SPAG16: variants seen among roughly 807,000 people sequenced by gnomAD.
The protein encoded by SPAG16 is sperm-associated antigen 16 protein.
A neutral mutation model predicts 80.4 loss-of-function variants in SPAG16; 86 were observed. The observed-to-expected ratio is 1.07, with a 90% CI of 0.90 to 1.28. The LOEUF (loss-of-function observed/expected upper bound fraction) is 1.28, where lower values mean the gene tolerates loss of function less well. SPAG16 is among the 50% of genes most tolerant of loss of function. The pLI, the probability that SPAG16 is intolerant of heterozygous loss-of-function variation, is 0.00. For synonymous variants in SPAG16, 294 were observed against 265.9 expected, an observed-to-expected ratio of 1.11 and a Z score of -1.03; for missense variants, 870 against 765.3, an observed-to-expected ratio of 1.14 and a Z score of -1.61.
intron 15 of SPAG16, among the ~76,000 whole-genome samples, chr2:214,325,724 C>CT (rs5838427): frequency 0.082 from 12,283 of 150,244 alleles, 648 homozygotes; most frequent in East Asian, 0.21. Flanking sequence ...TATTGATTAG[C>CT]TTTTTTTTTT....
intron 13 of SPAG16, among the ~76,000 whole-genome samples, chr2:214,101,610 G>A (rs532505295): frequency 1.6e-4 from 25 of 152,162 alleles, no homozygotes; most frequent in Middle Eastern, 3.4e-3. Flanking sequence ...ACCCAGAAAG[G>A]AGGAATATTG....
intron 15 of SPAG16, among the ~76,000 whole-genome samples, chr2:214,276,987 A>C (rs929274681): frequency 6.6e-6 from 1 of 151,196 alleles, no homozygotes; most frequent in Non-Finnish European, 1.5e-5. Context: ...GGCTTTGTTC[A>C]TTTCTTTTTA....
At chr2:214,182,157 T>A (rs1423712833) in intron 15 of SPAG16, among the ~76,000 whole-genome samples, 2 of 151,744 alleles carry the variant, frequency 1.3e-5, no homozygotes, top group Admixed American at 1.3e-4. Context: ...ATATATATAT[T>A]GTACATGTAT....
At chr2:213,864,812 C>A (rs964348480) in intron 11 of SPAG16, among the ~76,000 whole-genome samples, 1 of 151,980 alleles carries the variant, frequency 6.6e-6, no homozygotes, top group Non-Finnish European at 1.5e-5. Context: ...CCTTGACTGA[C>A]CCCAATCAAT....
chr2:213,795,674 C>T (rs536732804), intron 10 of SPAG16, among the ~76,000 whole-genome samples: 1 of 152,272 alleles, frequency 6.6e-6, no homozygotes, highest in South Asian at 2.1e-4. Flanking sequence ...GAGGGTGGAT[C>T]TTTCATGAAT....
chr2:213,653,860 A>G (rs924399681), intron 10 of SPAG16, among the ~76,000 whole-genome samples: 1 of 152,136 alleles, frequency 6.6e-6, no homozygotes, highest in East Asian at 1.9e-4. Context: ...TACAGTTCAC[A>G]TATAGTTACC....
chr2:213,909,028 G>GT (rs1347104788), intron 11 of SPAG16, among the ~76,000 whole-genome samples: 3 of 150,072 alleles, frequency 2.0e-5, no homozygotes, highest in Non-Finnish European at 4.4e-5. Context: ...TGCGGTGTTT[G>GT]TTTTTTTATC....
chr2:213,539,904 A>C (rs1385345993), intron 10 of SPAG16, among the ~76,000 whole-genome samples: 1 of 152,144 alleles, frequency 6.6e-6, no homozygotes, highest in Non-Finnish European at 1.5e-5. Flanking sequence ...ATCTTTGTAC[A>C]CCACTATTTT....
At chr2:214,284,346 T>G (rs544705417) in intron 15 of SPAG16, among the ~76,000 whole-genome samples, 1 of 152,324 alleles carries the variant, frequency 6.6e-6, no homozygotes, top group African/African-American at 2.4e-5. Flanking sequence ...GTTTGATTTG[T>G]TTCTTCCTTA....
chr2:214,206,078 C>G (rs897056819), intron 15 of SPAG16, among the ~76,000 whole-genome samples: 1 of 152,096 alleles, frequency 6.6e-6, no homozygotes, highest in African/African-American at 2.4e-5. Context: ...CGCCTGTAGT[C>G]CCACATAATC....
At chr2:213,602,941 G>C (rs1396555044) in intron 10 of SPAG16, among the ~76,000 whole-genome samples, 1 of 152,160 alleles carries the variant, frequency 6.6e-6, no homozygotes, top group Non-Finnish European at 1.5e-5. Context: ...ATTGCATTCA[G>C]GTGTTTAATT....
At chr2:214,266,421 A>G (rs1005304751) in intron 15 of SPAG16, among the ~76,000 whole-genome samples, 2 of 151,890 alleles carry the variant, frequency 1.3e-5, no homozygotes, top group African/African-American at 4.8e-5. Context: ...CTATTTAAAC[A>G]TTGTGAACAG....
At chr2:213,468,003 A>G (rs1473795568) in intron 9 of SPAG16, among the ~76,000 whole-genome samples, 1 of 152,164 alleles carries the variant, frequency 6.6e-6, no homozygotes, top group Non-Finnish European at 1.5e-5. Flanking sequence ...TCCCTGTTGT[A>G]AAAGACCAAA....
chr2:213,792,342 G>A (rs2070750257), intron 10 of SPAG16, among the ~76,000 whole-genome samples: 1 of 152,120 alleles, frequency 6.6e-6, no homozygotes, highest in African/African-American at 2.4e-5. Context: ...GCCTCCCTCA[G>A]TGTGTTGAAA....
chr2:213,859,128 G>A (rs72941141), intron 10 of SPAG16, among the ~76,000 whole-genome samples: 177 of 130,846 alleles, frequency 1.4e-3, no homozygotes, highest in African/African-American at 5.0e-3. Context: ...GTAGTGAGCC[G>A]AGATCACACC....
chr2:213,370,274 G>A (rs2066559336), intron 8 of SPAG16, among the ~76,000 whole-genome samples: 1 of 152,098 alleles, frequency 6.6e-6, no homozygotes, highest in African/African-American at 2.4e-5. Context: ...ATGTTTTAAT[G>A]TTAAGAAGTA....
chr2:213,404,289 T>G (rs376977258), intron 9 of SPAG16, among the ~76,000 whole-genome samples: 3 of 152,026 alleles, frequency 2.0e-5, no homozygotes, highest in African/African-American at 7.2e-5. Flanking sequence ...GAGGCATCAC[T>G]CTACCTGACT....
At chr2:214,017,788 T>C (rs1388914274) in intron 13 of SPAG16, among the ~76,000 whole-genome samples, 1 of 152,218 alleles carries the variant, frequency 6.6e-6, no homozygotes, top group Non-Finnish European at 1.5e-5. Context: ...TGCATGACTT[T>C]AATCAACATA....
At chr2:214,006,515 G>A (rs997519679) in intron 12 of SPAG16, among the ~76,000 whole-genome samples, 2 of 151,878 alleles carry the variant, frequency 1.3e-5, no homozygotes, top group African/African-American at 4.8e-5. Context: ...GAGATGAAAG[G>A]AAATAAAGGA....
Sources: allele counts gnomAD v4.1 joint callset (sites outside exome capture counted in the v4.1 genomes callset), GRCh38; gene constraint gnomAD v4.1.1; transcripts MANE v1.5; gene names NCBI Gene and HGNC (gene_info 2026-07-23, HGNC 2026-07-21).